The following COPG2 variants were observed in gnomAD, a reference collection of about 807,000 sequenced individuals.
COPG2 encodes coatomer subunit gamma-2.
A neutral mutation model predicts 46.3 loss-of-function variants in COPG2; 37 were observed. The observed-to-expected ratio is 0.80, with a 90% CI of 0.61 to 1.05. COPG2 has a LOEUF of 1.05. COPG2 is among the 50% of genes least tolerant of loss of function. The probability of loss-of-function intolerance (pLI) is 0.00; values close to 1 mark genes in which losing one functional copy is unlikely to be tolerated. For synonymous variants in COPG2, 159 were observed against 129.7 expected (o/e 1.23, Z -1.53); for missense variants, 427 against 387.8 (o/e 1.10, Z -0.85).
intron 20 of COPG2, among the ~76,000 whole-genome samples, chr7:130,518,543 A>AT (rs1468741657): frequency 6.6e-6 from 1 of 152,218 alleles, no homozygotes; most frequent in Non-Finnish European, 1.5e-5. Flanking sequence ...TGATGTATCC[A>AT]TCACTGTGAT....
rs981466549 is a variant in COPG2 at position 130,553,945 on chromosome 7, A to G, written c.1468+536T>C. ...ACTAGTTTATAAGTAATTTTCAATA[A>G]AATTACTTGAGGATTTTTAAGGGAG... On this transcript the variant is annotated intron_variant, in intron 14 of 23. Coordinates refer to ENST00000425248, the MANE Select transcript of COPG2 (RefSeq NM_012133.6). Among the ~76,000 whole-genome samples, 4 of 152,308 alleles carry G rather than the reference A, an allele frequency of 2.6e-5. No individual in the cohort carries two copies. In the East Asian group the frequency reaches 7.7e-4, roughly 29 times the overall value.
Position 130,662,948 on chromosome 7 carries a change from A to T in COPG2, c.243+19T>A. On this transcript the variant is annotated intron_variant, in intron 4 of 23. Transcript: ENST00000425248. ...TAAAAGGAGGTTTTTCATCGTAAAA[A>T]AAATTTAAAAAGACTTACATCATTA... 6.8e-7 allele frequency: 1 copy of T among 1,476,684 alleles called. No individual in the cohort carries two copies. The highest frequency in any genetic ancestry group is 9.1e-7 in the Non-Finnish European group (1 of 1,099,278). 91.5% of individuals were successfully genotyped at this position (1,476,684 alleles called of 1,614,324 possible). A position where few individuals can be genotyped will look rare whatever the true frequency, so the allele number is the denominator to read the frequency against.
intron 20 of COPG2, among the ~76,000 whole-genome samples, chr7:130,513,587 C>T (rs1554441362): frequency 4.6e-5 from 7 of 151,352 alleles, no homozygotes; most frequent in Non-Finnish European, 1.0e-4. Flanking sequence ...TGAGGAAGTG[C>T]CATCTGGGAA....
intron 5 of COPG2, among the ~76,000 whole-genome samples, chr7:130,647,729 GA>G (rs1431160913): frequency 7.0e-6 from 1 of 143,810 alleles, no homozygotes; most frequent in Non-Finnish European, 1.5e-5. Flanking sequence ...ACCTCATTAA[GA>G]TTTTTTTTTT....
chr7:130,519,229 T>C (rs1034874668), intron 20 of COPG2, among the ~76,000 whole-genome samples: 3,175 of 152,068 alleles, frequency 0.021, 123 homozygotes, highest in African/African-American at 0.073. Context: ...ATACCAACCA[T>C]GGGAGAAAAG....
At chr7:130,641,561 AG>A (rs1188764461) in intron 5 of COPG2, among the ~76,000 whole-genome samples, 2 of 152,234 alleles carry the variant, frequency 1.3e-5, no homozygotes, top group East Asian at 3.8e-4. Flanking sequence ...ACTGGGAAAG[AG>A]GTCAGGTAAA....
At chr7:130,531,763 A>G (rs1799827732) in intron 20 of COPG2, among the ~76,000 whole-genome samples, 1 of 149,352 alleles carries the variant, frequency 6.7e-6, no homozygotes, top group African/African-American at 2.5e-5. Flanking sequence ...GAAACTGGAG[A>G]GACTGAAGTG....
chr7:130,605,834 T>A, intron 9 of COPG2: 3 of 510,434 alleles, frequency 5.9e-6, no homozygotes, highest in South Asian at 4.3e-5. Context: ...AGATCTGAGA[T>A]AATAAATGGA....
rs1290435502 is a variant in COPG2, at chr7:130,563,419, T to G, written c.872-83A>C. 1.8e-5 allele frequency: 7 copies of G among 387,346 alleles called. No individual in the cohort carries two copies. The Admixed American group carries it at 2.2e-4, about 12-fold the overall frequency. 24.0% of individuals were successfully genotyped at this position (387,346 alleles called of 1,614,324 possible). On this transcript the variant is annotated intron_variant, in intron 10 of 23. Coordinates refer to ENST00000425248, the MANE Select transcript of COPG2 (RefSeq NM_012133.6). ...GTGAATACTCCTGGCTTAAGAGAAC[T>G]ATAGAAAAGTTGAAGAAGTAAAATA...
intron 9 of COPG2, among the ~76,000 whole-genome samples, chr7:130,568,302 C>T (rs1008165026): frequency 5.9e-5 from 9 of 152,028 alleles, no homozygotes; most frequent in South Asian, 2.1e-4. Context: ...CAACCAAGTC[C>T]GCTGTCTTAA....
intron 9 of COPG2, among the ~76,000 whole-genome samples, chr7:130,581,502 T>C (rs1401902902): frequency 1.5e-4 from 22 of 147,244 alleles, no homozygotes; most frequent in Non-Finnish European, 3.2e-4. Context: ...GCCAGGGCAA[T>C]TGGGCAGGAG....
chr7:130,509,801 T>C (rs1385718623), intron 20 of COPG2: 2 of 509,872 alleles, frequency 3.9e-6, no homozygotes, highest in Non-Finnish European at 7.8e-6. Context: ...CCATAGATCC[T>C]TTAAGTTTTA....
At chr7:130,557,634 T>A (rs1793648588) in intron 12 of COPG2, among the ~76,000 whole-genome samples, 1 of 151,572 alleles carries the variant, frequency 6.6e-6, no homozygotes, top group Non-Finnish European at 1.5e-5. Flanking sequence ...TGGTGAAACC[T>A]CGTCTCCACT....
intron 3 of COPG2, 75 bp downstream of exon 3, chr7:130,666,774 C>T: frequency 1.5e-6 from 1 of 688,432 alleles, no homozygotes; most frequent in Non-Finnish European, 2.5e-6. Context: ...ATATACTTTC[C>T]AGAAAGTATT....
At chr7:130,646,865 G>A (rs13239136) in intron 5 of COPG2, among the ~76,000 whole-genome samples, 63,488 of 150,272 alleles carry the variant, frequency 0.42, 16,393 homozygotes, top group East Asian at 0.59. Context: ...ACGCGGAACT[G>A]TGAGTCAATT....
chr7:130,604,865 A>G, intron 9 of COPG2: 1 of 408,868 alleles, frequency 2.4e-6, no homozygotes, highest in Non-Finnish European at 4.7e-6. Flanking sequence ...CAGAGATTTC[A>G]ATCATGAATT....
chr7:130,601,439 T>A (rs1358384382), intron 9 of COPG2, among the ~76,000 whole-genome samples: 3 of 152,044 alleles, frequency 2.0e-5, no homozygotes, highest in Non-Finnish European at 4.4e-5. Context: ...ATAGACTGGG[T>A]AAAGATAATG....
chr7:130,562,421 C>T (rs920943448), intron 11 of COPG2, among the ~76,000 whole-genome samples: 41 of 152,304 alleles, frequency 2.7e-4, no homozygotes, highest in African/African-American at 9.1e-4. Flanking sequence ...TCTTCCATGG[C>T]TGCTCTAAAC....
chr7:130,633,757 C>G (rs904313345), intron 5 of COPG2, among the ~76,000 whole-genome samples: 1 of 152,110 alleles, frequency 6.6e-6, no homozygotes, highest in Non-Finnish European at 1.5e-5. Flanking sequence ...GCTTTTGTTG[C>G]CATTGCTTTT....
Sources: gnomAD v4.1 joint callset for allele counts (sites outside exome capture counted in the v4.1 genomes callset) on GRCh38, gnomAD v4.1.1 for gene constraint, MANE v1.5 for transcripts, NCBI Gene and HGNC (gene_info 2026-07-23, HGNC 2026-07-21) for gene names.